The following PAQR5 variants were observed in gnomAD, a reference collection of about 807,000 sequenced individuals.
PAQR5 encodes the protein membrane progestin receptor gamma.
In PAQR5, 20 loss-of-function variants were observed where a neutral mutation model predicts 34.5. The observed-to-expected ratio is 0.58, with a 90% CI of 0.41 to 0.84. The LOEUF is 0.84. Among genes scored for constraint, PAQR5 ranks in the 40% least tolerant of loss-of-function variants. The pLI, the probability that PAQR5 is intolerant of heterozygous loss-of-function variation, is 0.00. For synonymous variants in PAQR5, 131 were observed against 155.6 expected (o/e 0.84, Z 1.18); for missense variants, 378 against 412.7 (o/e 0.92, Z 0.73).
At chr15:69,323,474 G>A (rs1475189481) in intron 1 of PAQR5, among the ~76,000 whole-genome samples, 1 of 152,200 alleles carries the variant, frequency 6.6e-6, no homozygotes, top group Non-Finnish European at 1.5e-5. Flanking sequence ...CTGGGCCAGA[G>A]GCAGGATGGG....
chr15:69,354,884 G>A (rs1407896850), intron 2 of PAQR5, among the ~76,000 whole-genome samples: 2 of 152,134 alleles, frequency 1.3e-5, no homozygotes, highest in Non-Finnish European at 2.9e-5. Flanking sequence ...TTTTCTCCTG[G>A]AGCTGGGTCA....
At chr15:69,344,574 A>C (rs1468657023) in intron 2 of PAQR5, among the ~76,000 whole-genome samples, 1 of 152,250 alleles carries the variant, frequency 6.6e-6, no homozygotes. Context: ...ATCTATGTGA[A>C]GTATTTGAAA....
intron 6 of PAQR5, chr15:69,391,746 G>A (rs773264298): frequency 1.8e-4 from 83 of 453,746 alleles, no homozygotes; most frequent in South Asian, 7.2e-4. Flanking sequence ...AGAAGGCTTC[G>A]TGAGTGTGGA....
intron 1 of PAQR5, among the ~76,000 whole-genome samples, chr15:69,316,532 T>C (rs1197205574): frequency 6.6e-6 from 1 of 151,680 alleles, no homozygotes; most frequent in Non-Finnish European, 1.5e-5. Flanking sequence ...TTACTTACGA[T>C]ATTGGGTTAG....
chr15:69,360,297 C>T (rs534544083), intron 3 of PAQR5, among the ~76,000 whole-genome samples, 166 bp downstream of exon 3: 1 of 152,234 alleles, frequency 6.6e-6, no homozygotes, highest in Non-Finnish European at 1.5e-5. Flanking sequence ...CCTACTTCCC[C>T]CACCTACCTT....
intron 1 of PAQR5, among the ~76,000 whole-genome samples, 151 bp downstream of exon 1, chr15:69,299,207 G>A (rs2053464736): frequency 6.6e-6 from 1 of 152,156 alleles, no homozygotes; most frequent in African/African-American, 2.4e-5. Flanking sequence ...GAAAGTTTGT[G>A]CCGGGGCGGC....
At chr15:69,325,968 G>A (rs1208550802) in intron 1 of PAQR5, among the ~76,000 whole-genome samples, 1 of 152,042 alleles carries the variant, frequency 6.6e-6, no homozygotes, top group African/African-American at 2.4e-5. Context: ...GTATTCCCTG[G>A]GGCTTTGAAA....
intron 2 of PAQR5, among the ~76,000 whole-genome samples, chr15:69,344,194 T>C (rs2054709616): frequency 6.6e-6 from 1 of 152,206 alleles, no homozygotes; most frequent in African/African-American, 2.4e-5. Context: ...CATGCATGGC[T>C]GATGTGACGG....
Position 69,359,995 on chromosome 15 carries a change from A to G in PAQR5, c.-86A>G, listed in dbSNP as rs1402215468. On this transcript the variant is annotated 5_prime_UTR_variant, in exon 3 of 9. Transcript: ENST00000395407. ...GCGGCACAGCACCAGCTAGGCAGAG[A>G]CGCCCCAGGCCATGTTAGAGCTTTG... 2.9e-6 allele frequency: 3 copies of G among 1,017,904 alleles called. No homozygotes were observed. In the East Asian group the frequency reaches 7.2e-5, roughly 24 times the overall value. 63.1% of individuals were successfully genotyped at this position (1,017,904 alleles called of 1,614,324 possible).
intron 3 of PAQR5, among the ~76,000 whole-genome samples, chr15:69,378,109 A>G (rs1272071551): frequency 6.6e-6 from 1 of 151,670 alleles, no homozygotes; most frequent in African/African-American, 2.4e-5. Context: ...CTAGTAATAC[A>G]AAAAATTAGT....
rs746606477 is a variant in PAQR5, at chr15:69,385,428, A to G, written c.385+546A>G. On this transcript the variant is annotated intron_variant, in intron 5 of 8. Coordinates refer to ENST00000395407, the MANE Select transcript of PAQR5 (RefSeq NM_017705.4). This position sits in a 1 kb window ranked among gnomAD's most constrained non-coding sequence, Gnocchi z 4.7. ...CAGGCAAGAAGAGGAGGGTGAGGTC[A>G]TGAGCCTCGTATATCCAGAGGCTTA... Among the ~76,000 whole-genome samples, 5 of 152,208 alleles carry G rather than the reference A, an allele frequency of 3.3e-5. No individual in the cohort carries two copies. Among genetic ancestry groups the G allele is most frequent in the Non-Finnish European group, 5.9e-5 (4 of 68,036 alleles).
In PAQR5 at chr15:69,316,349, G is replaced by C. The variant is rs554972748; in HGVS notation, c.-277+17293G>C. ...ACCTGCCTTGGCCTCCCAAGGTTCT[G>C]GGATTACAGGCATGAGCCACCGTGC... On this transcript the variant is annotated intron_variant, in intron 1 of 8. Transcript: ENST00000395407. Among the ~76,000 whole-genome samples, 64 of 152,226 alleles carry C rather than the reference G, an allele frequency of 4.2e-4. 1 individual carries two copies. The highest frequency in any genetic ancestry group is 1.5e-3 in the African/African-American group (62 of 41,560).
At chr15:69,365,057 ATTTTATTTTATTTTATTTTATTTTAT>A (rs1357091734) in intron 3 of PAQR5, among the ~76,000 whole-genome samples, 1 of 860 alleles carries the variant, frequency 1.2e-3, no homozygotes, top group African/African-American at 1.4e-3. Flanking sequence ...ATTTTATTTT[ATTTTATTTTATTTTATTTTATTTTAT>A]TTTATTTTAT....
intron 1 of PAQR5, among the ~76,000 whole-genome samples, chr15:69,318,335 C>T (rs2054001282): frequency 6.6e-6 from 1 of 152,224 alleles, no homozygotes; most frequent in Non-Finnish European, 1.5e-5. Flanking sequence ...TGGTGTCAGA[C>T]ATTATGCAGC....
At chr15:69,378,264 T>TAAAAAAAAAAAAAAAAAAAA (rs71149912) in intron 3 of PAQR5, among the ~76,000 whole-genome samples, 4 of 59,692 alleles carry the variant, frequency 6.7e-5, no homozygotes, top group African/African-American at 3.4e-4. Context: ...GACTCCATCT[T>TAAAAAAAAAAAAAAAAAAAA]AAAAAAAAAA....
intron 4 of PAQR5, among the ~76,000 whole-genome samples, chr15:69,380,618 G>T (rs1391289205): frequency 2.0e-5 from 3 of 152,180 alleles, no homozygotes; most frequent in Non-Finnish European, 4.4e-5. Context: ...GGCCAGGGAA[G>T]CGAAGAGGGG....
At chr15:69,344,447 C>G (rs2054717972) in intron 2 of PAQR5, among the ~76,000 whole-genome samples, 1 of 152,204 alleles carries the variant, frequency 6.6e-6, no homozygotes, top group Non-Finnish European at 1.5e-5. Flanking sequence ...ATAACCTCAA[C>G]TGAATCAAAG....
chr15:69,379,330 C>T (rs777931125), intron 3 of PAQR5: 113 of 699,034 alleles, frequency 1.6e-4, no homozygotes, highest in Non-Finnish European at 1.8e-4. Context: ...GTGACTTGAG[C>T]AGCCGTGCTG....
At chr15:69,354,917 C>T (rs2055016534) in intron 2 of PAQR5, among the ~76,000 whole-genome samples, 1 of 152,152 alleles carries the variant, frequency 6.6e-6, no homozygotes, top group African/African-American at 2.4e-5. Context: ...TTCCCTTGGG[C>T]ATCAGAACTC....
Sources: allele counts gnomAD v4.1 joint callset (sites outside exome capture counted in the v4.1 genomes callset), GRCh38; gene constraint gnomAD v4.1.1; non-coding constraint Gnocchi (gnomAD v3.1); transcripts MANE v1.5; gene names NCBI Gene and HGNC (gene_info 2026-07-23, HGNC 2026-07-21).